PLS3: variants seen among roughly 807,000 people sequenced by gnomAD.
PLS3 encodes the protein plastin 3, also known as plastin-3.
In PLS3, 11 loss-of-function variants were observed where a neutral mutation model predicts 46.5. That is an observed-to-expected ratio of 0.24 (90% CI 0.15 to 0.39). The LOEUF (loss-of-function observed/expected upper bound fraction) is 0.39. PLS3 is among the 10% of genes least tolerant of loss of function. The probability of loss-of-function intolerance (pLI) is 1.00; values close to 1 mark genes in which losing one functional copy is unlikely to be tolerated. For missense variants in PLS3, 308 were observed against 461.8 expected (o/e 0.67, Z 3.05); for synonymous variants, 167 against 162.2 (o/e 1.03, Z -0.22).
rs1245042889 is a variant in PLS3 at position 115,576,793 on chromosome X, AG to A, written c.-9+15535del. Among the ~76,000 whole-genome samples the A allele has an allele frequency of 3.6e-5, 4 of 112,335 alleles. No homozygotes were observed. In the Admixed American group the frequency reaches 3.8e-4, roughly 11 times the overall value. ...GTGGGCTGGAGTTAAGTCAAAAAAA[AG>A]GTGCAACTTTCTGGAGTCCCATTTA... On this transcript the variant is annotated intron_variant, in intron 1 of 15. Coordinates refer to ENST00000355899, the MANE Select transcript of PLS3 (RefSeq NM_005032.7).
At chrX:115,644,826 A>G (rs187770163) in intron 10 of PLS3, among the ~76,000 whole-genome samples, 195 bp from the exon 11 acceptor site, 263 of 111,414 alleles carry the variant, frequency 2.4e-3, no homozygotes, top group African/African-American at 8.2e-3. Context: ...TTAATTTTAA[A>G]ATAAATTCAA....
intron 2 of PLS3, among the ~76,000 whole-genome samples, chrX:115,621,858 G>A (rs1386939486): frequency 8.9e-6 from 1 of 111,918 alleles, no homozygotes; most frequent in Non-Finnish European, 1.9e-5. Flanking sequence ...GGAAGAATAA[G>A]AAACACAAAA....
chrX:115,584,205 A>G (rs1183952433), intron 1 of PLS3, among the ~76,000 whole-genome samples: 1 of 112,011 alleles, frequency 8.9e-6, no homozygotes, highest in Non-Finnish European at 1.9e-5. Context: ...AAACCACTAT[A>G]ATATATGACA....
intron 9 of PLS3, among the ~76,000 whole-genome samples, chrX:115,641,386 C>T (rs782006137): frequency 2.9e-4 from 31 of 108,560 alleles, no homozygotes; most frequent in Non-Finnish European, 7.6e-5. Context: ...CACCACCATG[C>T]CCAGCTAGTT....
intron 13 of PLS3, 100 bp from the exon 14 acceptor site, chrX:115,647,450 A>G: frequency 1.1e-6 from 1 of 870,618 alleles, no homozygotes; most frequent in Non-Finnish European, 1.6e-6. Flanking sequence ...AAGAAGAAAA[A>G]TTTAAGAAAT....
intron 1 of PLS3, among the ~76,000 whole-genome samples, chrX:115,581,758 C>T (rs782493342): frequency 7.9e-4 from 89 of 112,288 alleles, no homozygotes; most frequent in African/African-American, 2.8e-3. Flanking sequence ...AAGTGTATAA[C>T]TGTTGGTCTA....
chrX:115,587,734 CAAA>C (rs60273885), intron 1 of PLS3, among the ~76,000 whole-genome samples: 5 of 42,499 alleles, frequency 1.2e-4, no homozygotes, highest in Non-Finnish European at 9.1e-5. Context: ...GACTCCGTCT[CAAA>C]AAAAAAAAAA....
chrX:115,615,662 C>A (rs1468658464), intron 2 of PLS3, among the ~76,000 whole-genome samples: 8 of 110,157 alleles, frequency 7.3e-5, no homozygotes, highest in Non-Finnish European at 1.3e-4. Context: ...TAATTTTCTT[C>A]TTTTAAAAAA....
chrX:115,565,006 G>GAT (rs1423082625), intron 1 of PLS3, among the ~76,000 whole-genome samples: 1 of 111,921 alleles, frequency 8.9e-6, no homozygotes, highest in Non-Finnish European at 1.9e-5. Flanking sequence ...TTTAGACAGT[G>GAT]ATATACCATA....
Position 115,649,627 on chromosome X carries a change from G to A in PLS3, c.*66G>A, listed in dbSNP as rs1313685242. 2 of 1,036,327 alleles carry A rather than the reference G, an allele frequency of 1.9e-6. No individual in the cohort carries two copies. The highest frequency in any genetic ancestry group is 1.3e-6 in the Non-Finnish European group (1 of 757,260). The allele number at this position is 1,036,327 out of a possible 1,213,427, so 85.4% of individuals were successfully genotyped here. ...TGATTCGCAGGTCAGCTATTTCCAG[G>A]TGAAGTGCTTATGGCTTAAGGAACT... On this transcript the variant is annotated 3_prime_UTR_variant, in exon 16 of 16. Coordinates refer to ENST00000355899, the MANE Select transcript of PLS3 (RefSeq NM_005032.7).
intron 1 of PLS3, among the ~76,000 whole-genome samples, chrX:115,570,467 C>T (rs1476014649): frequency 3.7e-5 from 4 of 107,673 alleles, no homozygotes; most frequent in Non-Finnish European, 5.7e-5. Context: ...TCTATATCTA[C>T]CTCTTTTTCT....
chrX:115,563,505 G>A (rs1556629792), intron 1 of PLS3, among the ~76,000 whole-genome samples: 1 of 111,189 alleles, frequency 9.0e-6, no homozygotes, highest in African/African-American at 3.3e-5. Context: ...GTATAGAAGA[G>A]AGGCAGAGGA....
chrX:115,619,049 A>G (rs781902796), intron 2 of PLS3, among the ~76,000 whole-genome samples: 2 of 112,275 alleles, frequency 1.8e-5, no homozygotes, highest in African/African-American at 6.5e-5. Context: ...GAATGTTATC[A>G]CTCTGTATCT....
At chrX:115,617,150 G>T (rs1280230520) in intron 2 of PLS3, among the ~76,000 whole-genome samples, 3 of 111,485 alleles carry the variant, frequency 2.7e-5, no homozygotes, top group Non-Finnish European at 3.8e-5. Context: ...TAGGTACTCA[G>T]TTTGCTCTGG....
At chrX:115,631,715 C>A (rs1556639438) in intron 5 of PLS3, among the ~76,000 whole-genome samples, 1 of 111,220 alleles carries the variant, frequency 9.0e-6, no homozygotes, top group African/African-American at 3.3e-5. Flanking sequence ...GCCTGGGTGA[C>A]CCTGTCTGTC....
At chrX:115,581,708 C>T (rs1026523983) in intron 1 of PLS3, among the ~76,000 whole-genome samples, 8 of 112,200 alleles carry the variant, frequency 7.1e-5, no homozygotes, top group African/African-American at 2.6e-4. Context: ...TTATATTTTC[C>T]ATCCTGTTTA....
At chrX:115,620,894 A>G (rs184458748) in intron 2 of PLS3, among the ~76,000 whole-genome samples, 20 of 107,461 alleles carry the variant, frequency 1.9e-4, no homozygotes, top group South Asian at 8.2e-4. Flanking sequence ...GGGTTTTGCC[A>G]TATGGGCCAG....
chrX:115,630,773 A>C (rs1424585065), intron 5 of PLS3, among the ~76,000 whole-genome samples: 2 of 96,706 alleles, frequency 2.1e-5, no homozygotes, highest in South Asian at 8.3e-4. Context: ...ACACATATAT[A>C]CAAAATATAT....
chrX:115,631,436 A>C (rs1314801040), intron 5 of PLS3, among the ~76,000 whole-genome samples: 3 of 110,181 alleles, frequency 2.7e-5, no homozygotes, highest in African/African-American at 9.9e-5. Context: ...TTGTTTGAAA[A>C]GCTGATATTA....
Sources: gnomAD v4.1 joint callset for allele counts (sites outside exome capture counted in the v4.1 genomes callset) on GRCh38, gnomAD v4.1.1 for gene constraint, MANE v1.5 for transcripts, NCBI Gene and HGNC (gene_info 2026-07-23, HGNC 2026-07-21) for gene names.